Variants in SSX1 observed in about 807,000 individuals in gnomAD.
SSX1 encodes the protein SSX family member 1.
Under a neutral mutation model 14.6 loss-of-function variants are expected in SSX1, and 58 were observed. The observed-to-expected ratio is 3.96, with a 90% CI of 3.21 to 4.93. The LOEUF (loss-of-function observed/expected upper bound fraction) is 4.93, where lower values mean the gene tolerates loss of function less well. SSX1 is among the 30% of genes most tolerant of loss of function. SSX1 has a pLI of 0.00. For missense variants in SSX1, 272 were observed against 143.1 expected (o/e 1.90, Z -4.60); for synonymous variants, 46 against 52.1 (o/e 0.88, Z 0.50).
rs782479044 is a variant in SSX1 at position 48,258,636 on chromosome X, G to GT, written c.280+6dup. ...ACCATAACCGCAGGATTCAGGGTGAGTAGATGGGAAGTGGCTGGAAAGGTC... is the reference window on the plus strand; with the variant it reads ...ACCATAACCGCAGGATTCAGGGTGAGTTAGATGGGAAGTGGCTGGAAAGGTC... On this transcript the variant is annotated splice_donor_region_variant and intron_variant, in intron 4 of 7. Transcript: ENST00000376919. 5 of 1,185,453 alleles carry GT rather than the reference G, an allele frequency of 4.2e-6. No homozygotes were observed. The East Asian group carries it at 1.5e-4, about 35-fold the overall frequency.
At chrX:48,261,224 C>T (rs1219896639) in intron 4 of SSX1, among the ~76,000 whole-genome samples, 1 of 112,065 alleles carries the variant, frequency 8.9e-6, no homozygotes, top group Non-Finnish European at 1.9e-5. Context: ...CCCAGCTAAA[C>T]AGGCCAGAAT....
chrX:48,255,755 C>G (rs1175724184), intron 1 of SSX1, among the ~76,000 whole-genome samples: 1 of 101,876 alleles, frequency 9.8e-6, no homozygotes, highest in Non-Finnish European at 2.0e-5. Flanking sequence ...ACCACCCCAC[C>G]CTCACTAATT....
chrX:48,263,985 T>C (rs2059614573), intron 6 of SSX1, 68 bp downstream of exon 6: 6 of 1,170,864 alleles, frequency 5.1e-6, no homozygotes, highest in Non-Finnish European at 6.9e-6. Flanking sequence ...GTGGACTGGG[T>C]GTGTGGCATG....
At chrX:48,263,749 A>T in intron 5 of SSX1, 33 bp from the exon 6 acceptor site, 2 of 1,209,423 alleles carry the variant, frequency 1.7e-6, no homozygotes, top group Non-Finnish European at 2.2e-6. Flanking sequence ...AATGTCACTG[A>T]TACTGTTTAT....
intron 6 of SSX1, among the ~76,000 whole-genome samples, chrX:48,265,366 T>A (rs1451673253): frequency 1.8e-5 from 2 of 112,057 alleles, no homozygotes; most frequent in Admixed American, 1.9e-4. Context: ...TGTGAGAGAA[T>A]GCGACTCTTC....
rs372052783 is a variant in SSX1, at chrX:48,257,305, A to C, written c.64A>C (p.Ser22Arg). The change falls in exon 2 of 8, where the codon AGC becomes CGC. Residue 22 changes from serine (S) to arginine (R), a missense_variant. Transcript: ENST00000376919. ...TGATGCTAAAGCATCAGAGAAGAGAAGCAAGGTGACGTGACCTGGAGGGGG... is the reference window on the plus strand; with the variant it reads ...TGATGCTAAAGCATCAGAGAAGAGACGCAAGGTGACGTGACCTGGAGGGGG... ...RDDAKASEKR[S>R]KAFDDIATYF... 64 of 1,208,814 alleles carry C rather than the reference A, an allele frequency of 5.3e-5. No homozygotes were observed. The highest frequency in any genetic ancestry group is 6.8e-5 in the Non-Finnish European group (61 of 894,479).
chrX:48,257,694 T>C (rs2059587216), intron 2 of SSX1, 52 bp from the exon 3 acceptor site: 1 of 1,161,276 alleles, frequency 8.6e-7, no homozygotes, highest in Non-Finnish European at 1.2e-6. Context: ...TCCAGCTGAA[T>C]GGCAGACATA....
chrX:48,260,867 A>C (rs1249180112), intron 4 of SSX1, among the ~76,000 whole-genome samples: 2 of 112,142 alleles, frequency 1.8e-5, no homozygotes, highest in Non-Finnish European at 3.8e-5. Flanking sequence ...ATATTGGATA[A>C]ATATCTTAAG....
intron 4 of SSX1, among the ~76,000 whole-genome samples, chrX:48,260,439 A>T (rs1294948642): frequency 1.4e-4 from 16 of 111,950 alleles, no homozygotes; most frequent in African/African-American, 5.2e-4. Flanking sequence ...TTTGCTGTGC[A>T]GAAGCTCTTT....
chrX:48,259,837 A>C (rs1180264389), intron 4 of SSX1, among the ~76,000 whole-genome samples: 9 of 105,568 alleles, frequency 8.5e-5, no homozygotes, highest in African/African-American at 3.1e-4. Flanking sequence ...ACATTTTCTT[A>C]ATCCAGTCTA....
At chrX:48,266,256 A>G (rs113257388) in intron 6 of SSX1, 31 bp from the exon 7 acceptor site, 9 of 1,207,712 alleles carry the variant, frequency 7.5e-6, no homozygotes, top group East Asian at 3.0e-5. Flanking sequence ...AACGTACCCA[A>G]CCCTCATCTT....
At chrX:48,257,340 G>C (rs782792517) in intron 2 of SSX1, 30 bp downstream of exon 2, 1 of 1,202,189 alleles carries the variant, frequency 8.3e-7, no homozygotes, top group Non-Finnish European at 1.1e-6. Context: ...GCAGAGCAGT[G>C]GTCCAGGGGA....
At chrX:48,265,583 C>T (rs1452074136) in intron 6 of SSX1, among the ~76,000 whole-genome samples, 2 of 111,387 alleles carry the variant, frequency 1.8e-5, no homozygotes, top group Admixed American at 9.6e-5. Context: ...AGAACATTGA[C>T]ACACAACAGG....
At chrX:48,264,815 C>A (rs1208342807) in intron 6 of SSX1, among the ~76,000 whole-genome samples, 1 of 112,721 alleles carries the variant, frequency 8.9e-6, no homozygotes, top group African/African-American at 3.2e-5. Context: ...CGATAAAAGG[C>A]TGTTTAATCT....
Position 48,266,362 on chromosome X carries a change from G to A in SSX1, c.542G>A (p.Ser181Asn), listed in dbSNP as rs782282510. The A allele has an allele frequency of 5.0e-6, 6 of 1,208,271 alleles. No homozygotes were observed. Among genetic ancestry groups the A allele is most frequent in the Admixed American group, 2.2e-5 (1 of 45,730 alleles). Reference sequence around the variant, plus strand: ...CAGCTGGTGATTTATGAAGAGATCAGTGACCCTGAGGAAGATGACGAGTAA... The same window carrying A: ...CAGCTGGTGATTTATGAAGAGATCAATGACCCTGAGGAAGATGACGAGTAA... ...RKQLVIYEEI[S>N]DPEEDDE is the part of the protein sequence containing the mutation. The change falls in exon 7 of 8, where the codon AGT becomes AAT. Residue 181 changes from serine to asparagine, a missense_variant. By Grantham distance (46) the Ser-to-Asn change is conservative (BLOSUM62 1). Transcript: ENST00000376919.
At chrX:48,262,869 C>G (rs2059609496) in intron 5 of SSX1, among the ~76,000 whole-genome samples, 1 of 111,182 alleles carries the variant, frequency 9.0e-6, no homozygotes, top group Non-Finnish European at 1.9e-5. Context: ...GGCGCGGGGG[C>G]TCACGACTGT....
At chrX:48,255,945 G>A (rs782429852) in intron 1 of SSX1, among the ~76,000 whole-genome samples, 19 of 103,154 alleles carry the variant, frequency 1.8e-4, no homozygotes, top group African/African-American at 6.4e-4. Flanking sequence ...TGTTGGCCAG[G>A]CTGGCCTCAA....
rs1488032333 is a variant in SSX1 at position 48,257,770 on chromosome X, T to C, written c.94T>C (p.Phe32Leu). The C allele has an allele frequency of 1.7e-5, 21 of 1,204,106 alleles. No homozygotes were observed. In the Middle Eastern group the frequency reaches 1.1e-3, roughly 66 times the overall value. The change falls in exon 3 of 8, where the codon TTC becomes CTC. Residue 32 changes from phenylalanine to leucine, a missense_variant. By Grantham distance (22) the Phe-to-Leu change is conservative. Transcript: ENST00000376919. ...SKAFDDIATY[F>L]SKKEWKKMKY... ...GGCCTTTGATGATATTGCCACATAC[T>C]TCTCTAAGAAAGAGTGGAAAAAGAT...
chrX:48,267,239 A>G lies in SSX1; in HGVS notation c.*390A>G, dbSNP rs1601951611. ...GGCAGTTCTGAGTGTTTAATTTCAG[A>G]CTTTTTCCTCTGCATTTACACACAC... On this transcript the variant is annotated 3_prime_UTR_variant, in exon 8 of 8. Coordinates refer to ENST00000376919, the MANE Select transcript of SSX1 (RefSeq NM_005635.4). 1 of 271,895 alleles carries G rather than the reference A, an allele frequency of 3.7e-6. No homozygotes were observed. Among genetic ancestry groups the G allele is most frequent in the African/African-American group, 2.9e-5 (1 of 33,965 alleles). 22.4% of individuals were successfully genotyped at this position (271,895 alleles called of 1,213,427 possible). A position where few individuals can be genotyped will look rare whatever the true frequency, so the allele number is the denominator to read the frequency against.
Sources: gnomAD v4.1 joint callset for allele counts (sites outside exome capture counted in the v4.1 genomes callset) on GRCh38, gnomAD v4.1.1 for gene constraint, MANE v1.5 for transcripts, NCBI Gene and HGNC (gene_info 2026-07-23, HGNC 2026-07-21) for gene names.